Variants in SUGCT observed in about 807,000 individuals in gnomAD.
SUGCT encodes succinyl-CoA:glutarate-CoA transferase.
In SUGCT, 41 loss-of-function variants were observed where a neutral mutation model predicts 55.0. The ratio of observed to expected loss-of-function variants is 0.74; its 90% CI spans 0.58 to 0.97. The LOEUF is 0.97. Ranked by LOEUF, SUGCT falls within the 50% of genes least tolerant of loss-of-function variation. The probability of loss-of-function intolerance (pLI) is 0.00; values close to 1 mark genes in which losing one functional copy is unlikely to be tolerated. For missense variants in SUGCT, 568 were observed against 547.8 expected (o/e 1.04, Z -0.37); for synonymous variants, 187 against 200.4 (o/e 0.93, Z 0.56).
chr7:40,206,079 A>G (rs1275443169), intron 6 of SUGCT, among the ~76,000 whole-genome samples: 1 of 152,206 alleles, frequency 6.6e-6, no homozygotes, highest in Non-Finnish European at 1.5e-5. Flanking sequence ...AGCAGTAGTT[A>G]TTTCAAAACT....
the SUGCT span, among the ~76,000 whole-genome samples, chr7:40,938,889 A>G: frequency 3.3e-5 from 5 of 152,164 alleles, no homozygotes; most frequent in African/African-American, 9.7e-5. Context: ...CATGATGTCT[A>G]TATACCATAT....
intron 12 of SUGCT, among the ~76,000 whole-genome samples, chr7:40,529,559 G>A (rs1793978733): frequency 6.6e-6 from 1 of 152,186 alleles, no homozygotes; most frequent in Non-Finnish European, 1.5e-5. Flanking sequence ...CAGATCGCAG[G>A]ACATTTCAGC....
downstream of SUGCT, among the ~76,000 whole-genome samples, chr7:40,865,618 A>G (rs964104066): frequency 8.5e-5 from 13 of 152,190 alleles, no homozygotes; most frequent in Admixed American, 4.6e-4. Flanking sequence ...GGAGCCGAAC[A>G]GCTTGGGTCT....
At chr7:40,276,429 G>A (rs1792484408) in intron 8 of SUGCT, among the ~76,000 whole-genome samples, 1 of 152,152 alleles carries the variant, frequency 6.6e-6, no homozygotes, top group African/African-American at 2.4e-5. Flanking sequence ...TTAGTTAAAT[G>A]TTCTGCTGTC....
At chr7:40,479,876 A>G (rs772793125) in intron 11 of SUGCT, among the ~76,000 whole-genome samples, 4 of 151,934 alleles carry the variant, frequency 2.6e-5, no homozygotes, top group Non-Finnish European at 5.9e-5. Context: ...ATTTATTTAT[A>G]TTTGCTATGG....
chr7:40,762,166 A>G (rs1485981000), intron 13 of SUGCT, among the ~76,000 whole-genome samples: 1 of 152,250 alleles, frequency 6.6e-6, no homozygotes, highest in Non-Finnish European at 1.5e-5. Flanking sequence ...CTCTTGCACT[A>G]GAAGCAGAAA....
intron 13 of SUGCT, among the ~76,000 whole-genome samples, chr7:40,831,724 T>G (rs1792675884): frequency 6.6e-6 from 1 of 152,196 alleles, no homozygotes; most frequent in African/African-American, 2.4e-5. Flanking sequence ...TAAGAACACT[T>G]CTGTTTACAT....
intron 12 of SUGCT, among the ~76,000 whole-genome samples, chr7:40,497,223 A>G (rs1477377739): frequency 6.6e-6 from 1 of 152,226 alleles, no homozygotes; most frequent in Admixed American, 6.5e-5. Flanking sequence ...GGTTCTTTAT[A>G]TTTATATCGT....
At chr7:40,665,435 AT>A (rs1190097462) in intron 12 of SUGCT, among the ~76,000 whole-genome samples, 1 of 110,088 alleles carries the variant, frequency 9.1e-6, no homozygotes, top group Non-Finnish European at 1.9e-5. Context: ...ATCTCAAAAA[AT>A]AAATAAATAA....
chr7:40,205,981 T>C (rs952659004), intron 6 of SUGCT, among the ~76,000 whole-genome samples: 2 of 152,202 alleles, frequency 1.3e-5, no homozygotes, highest in African/African-American at 4.8e-5. Flanking sequence ...ATTTCTGATA[T>C]ATGGTTAGAA....
intron 1 of SUGCT, among the ~76,000 whole-genome samples, chr7:40,143,794 C>G (rs1460274493): frequency 1.3e-5 from 2 of 152,160 alleles, no homozygotes; most frequent in Non-Finnish European, 2.9e-5. Flanking sequence ...CAAATAAACA[C>G]ATTTCAAAGA....
intron 12 of SUGCT, among the ~76,000 whole-genome samples, chr7:40,715,070 A>G (rs1338537739): frequency 6.6e-6 from 1 of 152,218 alleles, no homozygotes; most frequent in East Asian, 1.9e-4. Flanking sequence ...GTGTATGGAA[A>G]AAAAAAATTG....
intron 7 of SUGCT, among the ~76,000 whole-genome samples, chr7:40,239,322 C>T (rs966589705): frequency 3.3e-5 from 5 of 152,092 alleles, no homozygotes; most frequent in African/African-American, 9.7e-5. Flanking sequence ...CTCACGACAT[C>T]TTGGCCTCCT....
intron 9 of SUGCT, among the ~76,000 whole-genome samples, chr7:40,415,372 T>C (rs917693658): frequency 5.3e-5 from 8 of 151,836 alleles, no homozygotes; most frequent in Non-Finnish European, 1.2e-4. Context: ...TTGACTCTGT[T>C]TATGTTTATT....
At chr7:40,702,051 A>G (rs559722258) in intron 12 of SUGCT, among the ~76,000 whole-genome samples, 2 of 152,296 alleles carry the variant, frequency 1.3e-5, no homozygotes, top group South Asian at 2.1e-4. Flanking sequence ...TTCAACTCTC[A>G]CTTTGTCATT....
At chr7:40,665,429 CAAAAAATA>C (rs757545830) in intron 12 of SUGCT, among the ~76,000 whole-genome samples, 26 of 119,884 alleles carry the variant, frequency 2.2e-4, no homozygotes, top group Non-Finnish European at 2.9e-4. Flanking sequence ...AACTCTATCT[CAAAAAATA>C]AATAAATAAA....
At chr7:40,368,917 A>G (rs1784146631) in intron 9 of SUGCT, among the ~76,000 whole-genome samples, 1 of 152,038 alleles carries the variant, frequency 6.6e-6, no homozygotes, top group African/African-American at 2.4e-5. Context: ...CAGCCTGGCC[A>G]ACATGGCAAA....
intron 7 of SUGCT, among the ~76,000 whole-genome samples, chr7:40,242,690 G>T (rs114862234): frequency 2.0e-5 from 3 of 151,364 alleles, no homozygotes; most frequent in African/African-American, 7.3e-5. Context: ...TAGTCCATTT[G>T]AAAGAGTGGG....
chr7:40,846,252 A>G (rs1793550429), intron 13 of SUGCT, among the ~76,000 whole-genome samples: 1 of 152,232 alleles, frequency 6.6e-6, no homozygotes. Flanking sequence ...TTTGAATTCT[A>G]GAAGGCAAAG....
Sources: gnomAD v4.1 joint callset for allele counts (sites outside exome capture counted in the v4.1 genomes callset) on GRCh38, gnomAD v4.1.1 for gene constraint, MANE v1.5 for transcripts, NCBI Gene and HGNC (gene_info 2026-07-23, HGNC 2026-07-21) for gene names.